RAP1GDS1: variants seen among roughly 807,000 people sequenced by gnomAD.
RAP1GDS1 encodes the protein RAP1, GTP-GDP dissociation stimulator 1.
A neutral mutation model predicts 71.1 loss-of-function variants in RAP1GDS1; 35 were observed. That is an observed-to-expected ratio of 0.49 (90% CI 0.38 to 0.65). The LOEUF is 0.65. Among genes scored for constraint, RAP1GDS1 ranks in the 30% least tolerant of loss-of-function variants. The pLI, the probability that RAP1GDS1 is intolerant of heterozygous loss-of-function variation, is 0.00. For synonymous variants in RAP1GDS1, 229 were observed against 243.1 expected (o/e 0.94, Z 0.54); for missense variants, 663 against 706.1 (o/e 0.94, Z 0.69).
chr4:98,311,989 T>C (rs891251810), intron 2 of RAP1GDS1, among the ~76,000 whole-genome samples: 2 of 152,070 alleles, frequency 1.3e-5, no homozygotes, highest in African/African-American at 4.8e-5. Flanking sequence ...GAAATTGGAA[T>C]GAGGAGTAAG....
chr4:98,422,465 C>T (rs1749031929), intron 12 of RAP1GDS1, among the ~76,000 whole-genome samples: 1 of 152,082 alleles, frequency 6.6e-6, no homozygotes, highest in Non-Finnish European at 1.5e-5. Context: ...ATCCTCCCAC[C>T]TTGGCCTCCC....
chr4:98,325,275 G>C (rs1273213415), intron 2 of RAP1GDS1, among the ~76,000 whole-genome samples: 94 of 150,560 alleles, frequency 6.2e-4, no homozygotes, highest in Middle Eastern at 3.5e-3. Flanking sequence ...GGAAACAACA[G>C]GTGCTGGAGA....
chr4:98,331,378 G>GAGAGAGGGAGAGGGAGAA (rs1733998834), intron 2 of RAP1GDS1, among the ~76,000 whole-genome samples: 1 of 149,796 alleles, frequency 6.7e-6, no homozygotes, highest in Admixed American at 6.6e-5. Flanking sequence ...GAGAGGGAGA[G>GAGAGAGGGAGAGGGAGAA]AGAGAGGGAG....
At chr4:98,264,496 G>A (rs1722461433) in intron 1 of RAP1GDS1, among the ~76,000 whole-genome samples, 1 of 152,146 alleles carries the variant, frequency 6.6e-6, no homozygotes, top group Admixed American at 6.5e-5. Context: ...ACTATTTTAT[G>A]TATATGTCAT....
At chr4:98,302,512 T>C (rs1039434653) in intron 2 of RAP1GDS1, among the ~76,000 whole-genome samples, 2 of 152,016 alleles carry the variant, frequency 1.3e-5, no homozygotes, top group Admixed American at 6.5e-5. Flanking sequence ...ATACATGCAA[T>C]TGGAATTCAG....
chr4:98,280,173 G>A (rs1724847097), intron 1 of RAP1GDS1, among the ~76,000 whole-genome samples: 1 of 152,182 alleles, frequency 6.6e-6, no homozygotes, highest in Non-Finnish European at 1.5e-5. Context: ...AGATCCTTGA[G>A]GAATCGCCAC....
chr4:98,296,654 T>C (rs1329427451), intron 2 of RAP1GDS1, among the ~76,000 whole-genome samples: 2 of 152,144 alleles, frequency 1.3e-5, no homozygotes, highest in African/African-American at 4.8e-5. Flanking sequence ...TTGGTCTCTT[T>C]TGATTCAGAT....
intron 14 of RAP1GDS1, among the ~76,000 whole-genome samples, chr4:98,438,590 C>CTTTTTT (rs1185496995): frequency 2.4e-4 from 15 of 62,556 alleles, no homozygotes; most frequent in African/African-American, 7.9e-4. Flanking sequence ...ATATATATAT[C>CTTTTTT]TTTTTTTTTT....
At chr4:98,432,071 A>T (rs972419672) in intron 12 of RAP1GDS1, among the ~76,000 whole-genome samples, 1 of 152,020 alleles carries the variant, frequency 6.6e-6, no homozygotes, top group Non-Finnish European at 1.5e-5. Context: ...TCCTAATGCT[A>T]TCCCTCCCCG....
chr4:98,420,075 C>T lies in RAP1GDS1; in HGVS notation c.1231C>T (p.Leu411Phe). 6.2e-7 allele frequency: 1 copy of T among 1,607,446 alleles called. No individual in the cohort carries two copies. The highest frequency in any genetic ancestry group is 8.5e-7 in the Non-Finnish European group (1 of 1,176,352). Reference protein sequence around the residue: ...AGVTEAVLKFLKSEMPPVQFK... With the variant: ...AGVTEAVLKFFKSEMPPVQFK... The stretch of plus-strand genomic sequence containing the variant: ...GGTCACAGAGGCAGTTTTGAAATTT[C>T]TTAAATCTGAAATGCCTCCTGTTCA... Residue 411 changes from leucine to phenylalanine, a missense_variant, in exon 11 of 15, where the codon CTT (leucine) becomes TTT (phenylalanine). Physicochemically the swap from Leu to Phe is conservative, Grantham distance 22 (BLOSUM62 0). Transcript: ENST00000408927.
At chr4:98,293,598 A>G in intron 2 of RAP1GDS1, 83 bp downstream of exon 2, 2 of 895,264 alleles carry the variant, frequency 2.2e-6, no homozygotes, top group Non-Finnish European at 3.5e-6. Context: ...AGTTAAGCAC[A>G]TAACTTTGTA....
At chr4:98,339,705 A>T (rs1347840777) in intron 2 of RAP1GDS1, among the ~76,000 whole-genome samples, 1 of 152,200 alleles carries the variant, frequency 6.6e-6, no homozygotes. Flanking sequence ...GTCAATATAC[A>T]TTTTGAGATA....
chr4:98,368,274 G>A (rs930620134), intron 4 of RAP1GDS1, among the ~76,000 whole-genome samples: 1 of 152,160 alleles, frequency 6.6e-6, no homozygotes. Flanking sequence ...CCTGCCATGC[G>A]GAACTATAAG....
intron 6 of RAP1GDS1, among the ~76,000 whole-genome samples, chr4:98,399,032 A>G (rs1401708330): frequency 2.6e-5 from 4 of 152,206 alleles, no homozygotes; most frequent in African/African-American, 7.2e-5. Context: ...ATCCCTGTCA[A>G]AATACCAATG....
At chr4:98,425,693 A>G (rs1466308047) in intron 12 of RAP1GDS1, among the ~76,000 whole-genome samples, 1 of 152,208 alleles carries the variant, frequency 6.6e-6, no homozygotes, top group Admixed American at 6.5e-5. Context: ...CTGAATATAT[A>G]TGCACCAAAC....
rs764955567 is a variant in RAP1GDS1, at chr4:98,418,804, A to T, written c.1174+13A>T. On this transcript the variant is annotated intron_variant, in intron 10 of 14. Transcript: ENST00000408927. ...CTGGCCATTCCAGGTAAGACTTAAG[A>T]ATAGAAGGCAGCTGTGTACAAAATA... 15 of 1,580,698 alleles carry T rather than the reference A, an allele frequency of 9.5e-6. No homozygotes were observed. The African/African-American group carries it at 1.9e-4, about 20-fold the overall frequency.
chr4:98,430,820 A>G (rs1750290078), intron 12 of RAP1GDS1, among the ~76,000 whole-genome samples: 1 of 152,210 alleles, frequency 6.6e-6, no homozygotes, highest in African/African-American at 2.4e-5. Context: ...TGTTGTTCTT[A>G]AACTTTGAAG....
chr4:98,308,332 T>TATATATATATATATATATGC (rs56135677), intron 2 of RAP1GDS1, among the ~76,000 whole-genome samples: 1 of 137,120 alleles, frequency 7.3e-6, no homozygotes, highest in African/African-American at 2.7e-5. Context: ...TATATATATA[T>TATATATATATATATATATGC]GCGCCAGGCA....
intron 5 of RAP1GDS1, among the ~76,000 whole-genome samples, chr4:98,389,278 T>C (rs1469215709): frequency 6.6e-6 from 1 of 151,408 alleles, no homozygotes; most frequent in African/African-American, 2.4e-5. Flanking sequence ...GAAATTTATA[T>C]CAACCTGTTT....
Sources: allele counts gnomAD v4.1 joint callset (sites outside exome capture counted in the v4.1 genomes callset), GRCh38; gene constraint gnomAD v4.1.1; transcripts MANE v1.5; gene names NCBI Gene and HGNC (gene_info 2026-07-23, HGNC 2026-07-21).